Variants in PDE6D observed in about 807,000 individuals in gnomAD.
PDE6D encodes the protein retinal rod rhodopsin-sensitive cGMP 3',5'-cyclic phosphodiesterase subunit delta.
PDE6D carries 10 observed loss-of-function variants against 21.9 expected under a neutral mutation model. The ratio of observed to expected loss-of-function variants is 0.46; its 90% confidence interval spans 0.28 to 0.78. PDE6D has a LOEUF of 0.78. PDE6D is among the 30% of genes least tolerant of loss of function. The pLI is 0.12. For missense variants in PDE6D, 139 were observed against 184.8 expected (o/e 0.75, Z 1.44); for synonymous variants, 59 against 63.5 (o/e 0.93, Z 0.34).
rs192941197 is a variant in PDE6D at position 231,772,494 on chromosome 2, G to T, written c.50+8571C>A. Among the ~76,000 whole-genome samples, 345 of 152,322 alleles carry T rather than the reference G, an allele frequency of 2.3e-3. 2 individuals are homozygous for T. The highest frequency in any genetic ancestry group is 6.3e-3 in the African/African-American group (263 of 41,586). ...TGCTCTCAGAACTTTGACAATTTGA[G>T]TTTTACGCATTCAAGCAATTATTAG... is the stretch of plus-strand genomic sequence containing the variant. On this transcript the variant is annotated intron_variant, in intron 1 of 4. Coordinates refer to ENST00000287600, the MANE Select transcript of PDE6D (RefSeq NM_002601.4).
Position 231,771,248 on chromosome 2 carries a change from C to T in PDE6D, c.50+9817G>A, listed in dbSNP as rs558328069. On this transcript the variant is annotated intron_variant, in intron 1 of 4. Transcript: ENST00000287600. ...CCTCCCAAAGTGCTGGGATTACAGG[C>T]GTGAGCCACCTTGCTCAGCCAAGCT... Among the ~76,000 whole-genome samples the T allele has an allele frequency of 3.3e-5, 5 of 152,122 alleles. No homozygotes were observed. The South Asian group carries it at 6.2e-4, about 19-fold the overall frequency.
intron 1 of PDE6D, among the ~76,000 whole-genome samples, chr2:231,778,162 A>T (rs1209713128): frequency 6.6e-6 from 1 of 152,166 alleles, no homozygotes; most frequent in East Asian, 1.9e-4. Context: ...GCTACTCAGG[A>T]GGCTGAGGCA....
intron 4 of PDE6D, among the ~76,000 whole-genome samples, chr2:231,736,203 C>CA: frequency 6.6e-6 from 1 of 152,034 alleles, no homozygotes; most frequent in South Asian, 2.1e-4. Context: ...AAACCCAAAA[C>CA]AAAAACAAAA....
intron 1 of PDE6D, among the ~76,000 whole-genome samples, chr2:231,757,072 C>T (rs2048888496): frequency 6.6e-6 from 1 of 151,586 alleles, no homozygotes; most frequent in South Asian, 2.1e-4. Flanking sequence ...GATCCTCCCA[C>T]CTCAGCCTCC....
intron 1 of PDE6D, among the ~76,000 whole-genome samples, chr2:231,743,669 C>T (rs2048769132): frequency 6.6e-6 from 1 of 152,122 alleles, no homozygotes. Context: ...CCGTTCCTCT[C>T]CACCCGTGTG....
intron 1 of PDE6D, among the ~76,000 whole-genome samples, chr2:231,758,787 T>G (rs2048903546): frequency 6.6e-6 from 1 of 152,174 alleles, no homozygotes; most frequent in African/African-American, 2.4e-5. Context: ...AAATACAGAT[T>G]CTGGTTCAGT....
intron 1 of PDE6D, among the ~76,000 whole-genome samples, chr2:231,765,347 A>C (rs1352001301): frequency 2.0e-5 from 3 of 151,980 alleles, no homozygotes; most frequent in Non-Finnish European, 4.4e-5. Flanking sequence ...AAAAGCAAAA[A>C]CCAACCCACC....
In PDE6D at chr2:231,781,086, T is replaced by C; in HGVS notation, c.29A>G (p.Glu10Gly). 1 of 1,613,496 alleles carries C rather than the reference T, an allele frequency of 6.2e-7. No individual in the cohort carries two copies. Among genetic ancestry groups the C allele is most frequent in the Non-Finnish European group, 8.5e-7 (1 of 1,179,770 alleles). The change falls in exon 1 of 5, where the codon GAG becomes GGG. Residue 10 changes from glutamate (E) to glycine (G), a missense_variant. Glu to Gly is a moderately conservative substitution (Grantham distance 98, BLOSUM62 -2). Coordinates refer to ENST00000287600, the MANE Select transcript of PDE6D (RefSeq NM_002601.4). MSAKDERAR[E>G]ILRGFKLNWM... is the part of the protein sequence containing the mutation. ...ATACAGTTTGAAGCCCCTCAGGATCTCCCTGGCCCGCTCGTCCTTGGCTGA... is the reference window on the plus strand; with the variant it reads ...ATACAGTTTGAAGCCCCTCAGGATCCCCCTGGCCCGCTCGTCCTTGGCTGA...
At chr2:231,772,071 G>A (rs7578649) in intron 1 of PDE6D, among the ~76,000 whole-genome samples, 3 of 151,324 alleles carry the variant, frequency 2.0e-5, no homozygotes, top group East Asian at 1.9e-4. Flanking sequence ...TTTCTACCCC[G>A]CAAATCTTGT....
intron 1 of PDE6D, among the ~76,000 whole-genome samples, chr2:231,757,676 TAAAC>T (rs1375465868): frequency 6.6e-6 from 1 of 152,254 alleles, no homozygotes; most frequent in Non-Finnish European, 1.5e-5. Flanking sequence ...GGATTCACTT[TAAAC>T]AATATAAAAG....
chr2:231,769,320 G>A (rs1039814610), intron 1 of PDE6D, among the ~76,000 whole-genome samples: 1 of 152,206 alleles, frequency 6.6e-6, no homozygotes, highest in Non-Finnish European at 1.5e-5. Context: ...TTAGGCAGAA[G>A]ATGGCTCAAA....
At chr2:231,733,941 G>T (rs568555134) in intron 4 of PDE6D, among the ~76,000 whole-genome samples, 1 of 152,076 alleles carries the variant, frequency 6.6e-6, no homozygotes, top group African/African-American at 2.4e-5. Flanking sequence ...AGCCGGGCAC[G>T]GTGGCTCATG....
At chr2:231,735,665 C>G (rs2048693636) in intron 4 of PDE6D, among the ~76,000 whole-genome samples, 1 of 152,024 alleles carries the variant, frequency 6.6e-6, no homozygotes, top group Non-Finnish European at 1.5e-5. Flanking sequence ...CCCGCCTCAG[C>G]TTCCCAAGTA....
In PDE6D at chr2:231,781,236, G is replaced by C. The variant is rs1470743619; in HGVS notation, c.-122C>G. On this transcript the variant is annotated 5_prime_UTR_variant, in exon 1 of 5. Coordinates refer to ENST00000287600, the MANE Select transcript of PDE6D (RefSeq NM_002601.4). The stretch of plus-strand genomic sequence containing the variant: ...AGACCTCGGGCTAGCAGCCGCAGCG[G>C]CCAGACCAGGACCGGCCTCTCTCTC... 2 of 886,930 alleles carry C rather than the reference G, an allele frequency of 2.3e-6. No individual in the cohort carries two copies. Among genetic ancestry groups the C allele is most frequent in the African/African-American group, 3.3e-5 (2 of 59,820 alleles). The allele number at this position is 886,930 out of a possible 1,614,324, so 54.9% of individuals were successfully genotyped here.
chr2:231,737,661 A>G (rs1019412681), intron 3 of PDE6D: 20 of 298,972 alleles, frequency 6.7e-5, no homozygotes, highest in Non-Finnish European at 1.2e-4. Context: ...TGAGAATTCA[A>G]TGCAGAGTGG....
intron 1 of PDE6D, among the ~76,000 whole-genome samples, chr2:231,747,549 A>T (rs756467916): frequency 6.6e-6 from 1 of 152,170 alleles, no homozygotes; most frequent in Non-Finnish European, 1.5e-5. Flanking sequence ...CCCATCTAGC[A>T]TTCTGACTGG....
intron 1 of PDE6D, among the ~76,000 whole-genome samples, chr2:231,773,165 T>C (rs981507708): frequency 2.0e-5 from 3 of 152,166 alleles, no homozygotes; most frequent in Non-Finnish European, 4.4e-5. Flanking sequence ...CATCTGAGCC[T>C]GGGAGGTCAA....
chr2:231,760,565 C>A (rs2048917603), intron 1 of PDE6D, among the ~76,000 whole-genome samples: 1 of 152,114 alleles, frequency 6.6e-6, no homozygotes, highest in South Asian at 2.1e-4. Flanking sequence ...TGATTTTTAA[C>A]TTTATATGAC....
intron 1 of PDE6D, among the ~76,000 whole-genome samples, chr2:231,741,021 C>T (rs2048744543): frequency 6.6e-6 from 1 of 150,510 alleles, no homozygotes; most frequent in African/African-American, 2.4e-5. Flanking sequence ...GCCTGTAATC[C>T]CAGCTACTCA....
Sources: allele counts gnomAD v4.1 joint callset (sites outside exome capture counted in the v4.1 genomes callset), GRCh38; gene constraint gnomAD v4.1.1; transcripts MANE v1.5; gene names NCBI Gene and HGNC (gene_info 2026-07-23, HGNC 2026-07-21).